EMG1: variants seen among roughly 807,000 people sequenced by gnomAD.
EMG1 encodes the protein EMG1 N1-specific pseudouridine methyltransferase, also known as ribosomal RNA small subunit methyltransferase NEP1.
A neutral mutation model predicts 26.9 loss-of-function variants in EMG1; 24 were observed. The observed-to-expected ratio is 0.89, with a 90% CI of 0.65 to 1.26. The LOEUF (loss-of-function observed/expected upper bound fraction) is 1.26, where lower values mean the gene tolerates loss of function less well. EMG1 is among the 50% of genes most tolerant of loss of function. The pLI is 0.00. For missense variants in EMG1, 299 were observed against 307.6 expected (o/e 0.97, Z 0.21); for synonymous variants, 140 against 112.6 (o/e 1.24, Z -1.54).
At position 6,977,136 on chromosome 12, in the gene EMG1, G is replaced by T; in HGVS notation, c.*1327G>T. The T allele has an allele frequency of 6.4e-7, 1 of 1,559,682 alleles. No individual in the cohort carries two copies. The highest frequency in any genetic ancestry group is 1.1e-5 in the South Asian group (1 of 89,938). On this transcript the variant is annotated 3_prime_UTR_variant, in exon 6 of 6. Transcript: ENST00000599672. The surrounding 1 kb of genome is among the most constrained non-coding windows in gnomAD (Gnocchi z 4.5). ...TTAGTTTAGCTGTATTAACTTACCA[G>T]GGAAATGGATTATTCCATCTTCTTT... is the stretch of plus-strand genomic sequence containing the variant.
At chr12:6,982,026 C>A (rs926404550), downstream of EMG1, 2 of 643,002 alleles carry the variant, frequency 3.1e-6, no homozygotes, top group South Asian at 3.7e-5. Flanking sequence ...TTAATAAATT[C>A]CTACAAATGG....
At chr12:6,973,326 C>T (rs1371128584) in intron 1 of EMG1, among the ~76,000 whole-genome samples, 2 of 152,050 alleles carry the variant, frequency 1.3e-5, no homozygotes, top group Admixed American at 1.3e-4. Context: ...TGCCACCATG[C>T]CCAGCTAATT....
In EMG1 at chr12:6,987,708, G is replaced by T; in HGVS notation, c.*155-74G>T. The T allele has an allele frequency of 2.5e-6, 1 of 399,290 alleles. No homozygotes were observed. Among genetic ancestry groups the T allele is most frequent in the Non-Finnish European group, 4.4e-6 (1 of 225,916 alleles). 24.7% of individuals were successfully genotyped at this position (399,290 alleles called of 1,614,324 possible). A position where few individuals can be genotyped will look rare whatever the true frequency, so the allele number is the denominator to read the frequency against. ...AAGCATGAAAACCCTTAACCATTTG[G>T]AATGCTCGAAATTAAAAAACACCAC... On this transcript the variant is annotated intron_variant and NMD_transcript_variant, in intron 6 of 7. Transcript: ENST00000261406. The surrounding 1 kb of genome is among the most constrained non-coding windows in gnomAD (Gnocchi z 4.1).
At chr12:6,989,318 T>G (rs1364768613), downstream of EMG1, among the ~76,000 whole-genome samples, 4 of 150,176 alleles carry the variant, frequency 2.7e-5, no homozygotes, top group Non-Finnish European at 5.9e-5. Flanking sequence ...TGCGTGTTTT[T>G]TTTTTTTTTT....
At chr12:6,981,414 C>G, downstream of EMG1, 1 of 732,812 alleles carries the variant, frequency 1.4e-6, no homozygotes, top group South Asian at 1.7e-5. Flanking sequence ...TGTGCAAGAG[C>G]TGGATCCTGG....
intron 7 of EMG1, among the ~76,000 whole-genome samples, chr12:6,993,768 C>CT (rs1330162407): frequency 2.0e-5 from 3 of 151,946 alleles, no homozygotes; most frequent in African/African-American, 7.3e-5. Context: ...ACTCTGCATT[C>CT]TTTTTTTTAA....
chr12:6,986,371 A>G (rs1360662368), intron 6 of EMG1, among the ~76,000 whole-genome samples: 1 of 152,122 alleles, frequency 6.6e-6, no homozygotes, highest in Non-Finnish European at 1.5e-5. Context: ...TTTCTTTTCT[A>G]TAGTTTACTT....
In EMG1 at chr12:6,987,942, C is replaced by G. The variant is rs1946544313; in HGVS notation, c.*211+104C>G. 1 of 398,954 alleles carries G rather than the reference C, an allele frequency of 2.5e-6. No individual in the cohort carries two copies. Among genetic ancestry groups the G allele is most frequent in the Admixed American group, 4.4e-5 (1 of 22,682 alleles). 24.7% of individuals were successfully genotyped at this position (398,954 alleles called of 1,614,324 possible). On this transcript the variant is annotated intron_variant and NMD_transcript_variant, in intron 7 of 7. Coordinates refer to the EMG1 transcript ENST00000261406. This position sits in a 1 kb window ranked among gnomAD's most constrained non-coding sequence, Gnocchi z 4.1. ...CCTGTCTGTCCCTTTCCTTGCTACT[C>G]TGGGATCAACAGTCACCTCTTGAAC...
intron 6 of EMG1, among the ~76,000 whole-genome samples, chr12:6,985,585 G>A (rs373818689): frequency 6.6e-6 from 1 of 150,730 alleles, no homozygotes; most frequent in Non-Finnish European, 1.5e-5. Context: ...TGTGGTGGCG[G>A]GTGCCTGTAA....
At chr12:6,971,343 G>A (rs893908030) in intron 1 of EMG1, among the ~76,000 whole-genome samples, 1 of 148,578 alleles carries the variant, frequency 6.7e-6, no homozygotes, top group Non-Finnish European at 1.5e-5. Flanking sequence ...GCGCGACCTC[G>A]GCTCACTGCA....
At position 6,975,955 on chromosome 12, in the gene EMG1, C is replaced by G. The variant is rs1946394224; in HGVS notation, c.*146C>G. ...GGCTGTACATTTGCTATTTGTTTAT[C>G]CTATGAATACTGTTCTTGCAAACCT... On this transcript the variant is annotated 3_prime_UTR_variant, in exon 6 of 6. Coordinates refer to ENST00000599672, the MANE Select transcript of EMG1 (RefSeq NM_006331.8). 1 of 609,056 alleles carries G rather than the reference C, an allele frequency of 1.6e-6. No homozygotes were observed. The highest frequency in any genetic ancestry group is 2.0e-5 in the South Asian group (1 of 49,496). The allele number at this position is 609,056 out of a possible 1,614,324, so 37.7% of individuals were successfully genotyped here.
At chr12:6,986,844 G>C (rs1467889764) in intron 6 of EMG1, among the ~76,000 whole-genome samples, 1 of 151,518 alleles carries the variant, frequency 6.6e-6, no homozygotes, top group Non-Finnish European at 1.5e-5. Flanking sequence ...GCCGGGTGCG[G>C]CAGCTCACAC....
rs1946430072 is a variant in EMG1, at chr12:6,978,131, C to T, written c.*2322C>T. The stretch of plus-strand genomic sequence containing the variant: ...CTGGAGTAACACCCAGGTCTTAACG[C>T]ACTTTTATATCTTGCCTTTTTTTCA... On this transcript the variant is annotated 3_prime_UTR_variant, in exon 6 of 6. Coordinates refer to ENST00000599672, the MANE Select transcript of EMG1 (RefSeq NM_006331.8). 4.9e-6 allele frequency: 3 copies of T among 607,794 alleles called. No homozygotes were observed. Among genetic ancestry groups the T allele is most frequent in the Non-Finnish European group, 8.4e-6 (3 of 356,158 alleles). 37.7% of individuals were successfully genotyped at this position (607,794 alleles called of 1,614,324 possible). A position where few individuals can be genotyped will look rare whatever the true frequency, so the allele number is the denominator to read the frequency against.
intron 7 of EMG1, among the ~76,000 whole-genome samples, chr12:6,996,470 A>T (rs1187699294): frequency 6.6e-6 from 1 of 151,904 alleles, no homozygotes; most frequent in African/African-American, 2.4e-5. Flanking sequence ...CATATATCTT[A>T]CTTTTCAGTC....
Position 6,971,583 on chromosome 12 carries a change from C to G in EMG1, c.168+492C>G, listed in dbSNP as rs1357936315. Among the ~76,000 whole-genome samples the G allele has an allele frequency of 2.0e-5, 3 of 152,066 alleles. No homozygotes were observed. In the East Asian group the frequency reaches 5.8e-4, roughly 29 times the overall value. On this transcript the variant is annotated intron_variant, in intron 1 of 5. Transcript: ENST00000599672. ...GAGCCACTGTGCCCGGCCGGTAGTA[C>G]TCATTTTCTTTTGCTCTTTTTGAAT...
chr12:6,979,308 C>G lies in EMG1; in HGVS notation c.*3499C>G, dbSNP rs1337026229. 3.2e-5 allele frequency: 20 copies of G among 626,910 alleles called. No homozygotes were observed. The highest frequency in any genetic ancestry group is 5.7e-5 in the South Asian group (3 of 52,968). The allele number at this position is 626,910 out of a possible 1,614,324, so 38.8% of individuals were successfully genotyped here. On this transcript the variant is annotated 3_prime_UTR_variant, in exon 6 of 6. Coordinates refer to ENST00000599672, the MANE Select transcript of EMG1 (RefSeq NM_006331.8). ...AGGTTGTTCAGTGCTGGCTGATGAACATGTCCCAGCACGGCTGGCATTGAC... is the reference window on the plus strand; with the variant it reads ...AGGTTGTTCAGTGCTGGCTGATGAAGATGTCCCAGCACGGCTGGCATTGAC...
At chr12:6,975,488 C>T (rs1946383820) in intron 5 of EMG1, 110 bp downstream of exon 5, 1 of 1,224,812 alleles carries the variant, frequency 8.2e-7, no homozygotes, top group Non-Finnish European at 1.1e-6. Context: ...AGACACATGA[C>T]AGTTCCACAC....
At chr12:6,994,477 G>A (rs2055496911) in intron 7 of EMG1, among the ~76,000 whole-genome samples, 1 of 151,898 alleles carries the variant, frequency 6.6e-6, no homozygotes, top group African/African-American at 2.4e-5. Flanking sequence ...CAAAGTGCTG[G>A]GATTACAGGC....
At chr12:6,974,751 G>A in intron 3 of EMG1, 58 bp downstream of exon 3, 1 of 1,563,416 alleles carries the variant, frequency 6.4e-7, no homozygotes, top group East Asian at 2.2e-5. Context: ...AAGGGAGGAA[G>A]AGGAAAAGGG....
Sources: gnomAD v4.1 joint callset for allele counts (sites outside exome capture counted in the v4.1 genomes callset) on GRCh38, gnomAD v4.1.1 for gene constraint, Gnocchi (gnomAD v3.1) non-coding constraint, MANE v1.5 for transcripts, NCBI Gene and HGNC (gene_info 2026-07-23, HGNC 2026-07-21) for gene names.